The following CSMD1 variants were observed in gnomAD, a reference collection of about 807,000 sequenced individuals.
CSMD1 encodes CUB and Sushi multiple domains 1, also known as CUB and sushi domain-containing protein 1.
Under a neutral mutation model 417.5 loss-of-function variants are expected in CSMD1, and 213 were observed. That is an observed-to-expected ratio of 0.51 (90% confidence interval 0.46 to 0.57). CSMD1 has a LOEUF of 0.57. Among genes scored for constraint, CSMD1 ranks in the 20% least tolerant of loss-of-function variants. CSMD1 has a pLI of 0.00. For missense variants in CSMD1, 6,923 were observed against 4,529.7 expected, an observed-to-expected ratio of 1.53 and a Z score of -15.17; for synonymous variants, 2,862 against 1,736.8, an observed-to-expected ratio of 1.65 and a Z score of -16.11.
At chr8:3,161,637 A>C (rs992198844) in intron 38 of CSMD1, among the ~76,000 whole-genome samples, 2 of 151,854 alleles carry the variant, frequency 1.3e-5, no homozygotes, top group African/African-American at 2.4e-5. Context: ...AAAAAAAAAA[A>C]AAAAAAAACC....
rs188710095 is a variant in CSMD1, at chr8:4,350,998, A to C, written c.415+68955T>G. On this transcript the variant is annotated intron_variant, in intron 3 of 69. Transcript: ENST00000635120. Reference sequence around the variant, plus strand: ...TTTAATAATTTTGCCTCTCTGCTTAATCGAAATTAAAGTTCTGTCTTGGCT... The same window carrying C: ...TTTAATAATTTTGCCTCTCTGCTTACTCGAAATTAAAGTTCTGTCTTGGCT... Among the ~76,000 whole-genome samples the C allele has an allele frequency of 4.6e-5, 7 of 152,312 alleles. No individual in the cohort carries two copies. In the East Asian group the frequency reaches 1.2e-3, roughly 25 times the overall value.
chr8:3,755,732 C>T (rs1797619512), intron 5 of CSMD1, among the ~76,000 whole-genome samples: 1 of 152,104 alleles, frequency 6.6e-6, no homozygotes, highest in East Asian at 1.9e-4. Flanking sequence ...TAAAAATGTA[C>T]AGGATCCACT....
intron 3 of CSMD1, among the ~76,000 whole-genome samples, chr8:4,300,513 G>A (rs1488128187): frequency 3.3e-5 from 5 of 152,092 alleles, no homozygotes; most frequent in Non-Finnish European, 5.9e-5. Flanking sequence ...TGAAGGAAAT[G>A]TCCTTTACAG....
At chr8:4,127,212 C>G (rs569453009) in intron 3 of CSMD1, among the ~76,000 whole-genome samples, 14 of 152,184 alleles carry the variant, frequency 9.2e-5, no homozygotes, top group African/African-American at 2.6e-4. Flanking sequence ...CCGGCCCCCT[C>G]CAGGATCAAA....
intron 3 of CSMD1, among the ~76,000 whole-genome samples, chr8:4,206,113 G>C (rs56336299): frequency 1.8e-4 from 28 of 152,034 alleles, no homozygotes; most frequent in African/African-American, 6.8e-4. Context: ...ACAACGCAGG[G>C]AAAAGGATAG....
intron 26 of CSMD1, among the ~76,000 whole-genome samples, chr8:3,257,696 C>A (rs559463105): frequency 5.9e-5 from 9 of 152,202 alleles, no homozygotes; most frequent in Non-Finnish European, 1.0e-4. Flanking sequence ...CTATCAAAGA[C>A]CCTAAACGGT....
chr8:4,688,213 A>G (rs766105476), intron 1 of CSMD1, among the ~76,000 whole-genome samples: 46 of 152,190 alleles, frequency 3.0e-4, no homozygotes, highest in Non-Finnish European at 7.3e-5. Flanking sequence ...GGTTTTAAAT[A>G]TCAATCCTTA....
chr8:4,957,314 T>C (rs982785983), intron 1 of CSMD1, among the ~76,000 whole-genome samples: 2 of 152,200 alleles, frequency 1.3e-5, no homozygotes, highest in Non-Finnish European at 2.9e-5. Flanking sequence ...AATATTTTTT[T>C]AAACAAGGAA....
chr8:4,657,834 G>A (rs891143003), intron 1 of CSMD1, among the ~76,000 whole-genome samples: 2 of 151,446 alleles, frequency 1.3e-5, no homozygotes, highest in African/African-American at 4.8e-5. Context: ...TAGACAAAAA[G>A]GTCTAGGAAA....
chr8:4,903,227 C>G (rs1805013079), intron 1 of CSMD1, among the ~76,000 whole-genome samples: 1 of 152,100 alleles, frequency 6.6e-6, no homozygotes, highest in African/African-American at 2.4e-5. Flanking sequence ...CTGACCAACC[C>G]TGCACTTACA....
chr8:3,280,332 CAG>C (rs148437388), intron 26 of CSMD1, among the ~76,000 whole-genome samples: 4 of 152,264 alleles, frequency 2.6e-5, no homozygotes, highest in African/African-American at 2.4e-5. Flanking sequence ...GTAAAAATAA[CAG>C]AGACAAAAGG....
chr8:3,886,314 G>T (rs936131355), intron 5 of CSMD1, among the ~76,000 whole-genome samples: 2 of 152,306 alleles, frequency 1.3e-5, no homozygotes, highest in Admixed American at 1.3e-4. Flanking sequence ...CTCTCAAAGT[G>T]CTGGGATTAC....
intron 2 of CSMD1, among the ~76,000 whole-genome samples, chr8:4,607,278 A>G (rs975338871): frequency 2.9e-5 from 4 of 140,238 alleles, no homozygotes; most frequent in Non-Finnish European, 6.2e-5. Flanking sequence ...AAATATGGAA[A>G]AAATAAATAA....
intron 5 of CSMD1, among the ~76,000 whole-genome samples, chr8:3,759,276 C>T (rs995066232): frequency 1.3e-5 from 2 of 151,926 alleles, no homozygotes; most frequent in Non-Finnish European, 2.9e-5. Context: ...AGAAATACGG[C>T]CTGTTAATCA....
At chr8:4,266,868 T>C (rs1322836091) in intron 3 of CSMD1, among the ~76,000 whole-genome samples, 1 of 104,816 alleles carries the variant, frequency 9.5e-6, no homozygotes, top group African/African-American at 2.6e-5. Flanking sequence ...TTTGAAAACA[T>C]ATTAATTCAA....
At chr8:3,065,490 G>GAT (rs1227355143) in intron 49 of CSMD1, among the ~76,000 whole-genome samples, 2 of 151,986 alleles carry the variant, frequency 1.3e-5, no homozygotes, top group Non-Finnish European at 1.5e-5. Flanking sequence ...TAGGAAGATA[G>GAT]ATATATATAA....
chr8:3,950,443 C>G (rs538982565), intron 5 of CSMD1, among the ~76,000 whole-genome samples: 38 of 152,276 alleles, frequency 2.5e-4, no homozygotes, highest in African/African-American at 9.1e-4. Context: ...TTCTGGATCT[C>G]CAACGCATGA....
chr8:4,438,767 C>T (rs1020780416), intron 2 of CSMD1, among the ~76,000 whole-genome samples: 6 of 152,320 alleles, frequency 3.9e-5, no homozygotes, highest in African/African-American at 1.4e-4. Flanking sequence ...AAACCATGTG[C>T]CCTGAATCAC....
In CSMD1 at chr8:3,230,048, G is replaced by A; in HGVS notation, c.4337C>T (p.Thr1446Ile). ...NRFFWQPDPP[T>I]CIAACGGNLT... ...GTTCTGTTGTCTGATACCTATGCATGTAGGAGGGTCTGGTTGCCAAAAGAA... is the reference window on the plus strand; with the variant it reads ...GTTCTGTTGTCTGATACCTATGCATATAGGAGGGTCTGGTTGCCAAAAGAA... Residue 1446 changes from threonine to isoleucine, a missense_variant, in exon 27 of 70, where the codon ACA becomes ATA. Thr to Ile is a moderately conservative substitution (Grantham distance 89). Coordinates refer to ENST00000635120, the MANE Select transcript of CSMD1 (RefSeq NM_033225.6). 6.9e-6 allele frequency: 11 copies of A among 1,602,430 alleles called. No individual in the cohort carries two copies. Among genetic ancestry groups the A allele is most frequent in the East Asian group, 2.2e-5 (1 of 44,614 alleles).
Sources: gnomAD v4.1 joint callset for allele counts (sites outside exome capture counted in the v4.1 genomes callset) on GRCh38, gnomAD v4.1.1 for gene constraint, MANE v1.5 for transcripts, NCBI Gene and HGNC (gene_info 2026-07-23, HGNC 2026-07-21) for gene names.